The following TBKBP1 variants were observed in gnomAD, a reference collection of about 807,000 sequenced individuals.
TBKBP1 encodes the protein TBK1 binding protein 1.
TBKBP1 carries 47 observed loss-of-function variants against 69.9 expected under a neutral mutation model. That is an observed-to-expected ratio of 0.67 (90% CI 0.53 to 0.86). The LOEUF is 0.86. Ranked by LOEUF, TBKBP1 falls within the 40% of genes least tolerant of loss-of-function variation. The pLI is 0.00. For synonymous variants in TBKBP1, 418 were observed against 390.3 expected (o/e 1.07, Z -0.84); for missense variants, 831 against 858.6 (o/e 0.97, Z 0.40).
At position 47,709,163 on chromosome 17, in the gene TBKBP1, C is replaced by T; in HGVS notation, c.1430C>T (p.Pro477Leu). 6.9e-7 allele frequency: 1 copy of T among 1,439,262 alleles called. No homozygotes were observed. Among genetic ancestry groups the T allele is most frequent in the Non-Finnish European group, 9.1e-7 (1 of 1,104,544 alleles). 89.2% of individuals were successfully genotyped at this position (1,439,262 alleles called of 1,614,324 possible). Reference protein sequence around the residue: ...EGAAYAGASPPWLQAEAATLP... With the variant: ...EGAAYAGASPLWLQAEAATLP... ...GCGGCCTACGCGGGCGCCTCCCCGC[C>T]CTGGCTGCAGGCCGAAGCGGCCACT... Residue 477 changes from proline (P) to leucine (L), a missense_variant, in exon 9 of 10, where the codon CCC becomes CTC. Pro to Leu is a moderately conservative substitution (Grantham distance 98, BLOSUM62 -3). Coordinates refer to ENST00000578982, the MANE Select transcript of TBKBP1 (RefSeq NM_001394755.1).
intron 9 of TBKBP1, 49 bp from the exon 10 acceptor site, chr17:47,710,449 C>T: frequency 6.3e-7 from 1 of 1,580,218 alleles, no homozygotes; most frequent in Non-Finnish European, 8.7e-7. Flanking sequence ...GATGTGGGGA[C>T]CATGGGTGGG....
intron 7 of TBKBP1, among the ~76,000 whole-genome samples, chr17:47,700,855 G>A (rs967231699): frequency 6.6e-6 from 1 of 152,120 alleles, no homozygotes; most frequent in African/African-American, 2.4e-5. Flanking sequence ...AGCAAGGGAG[G>A]GGTGAGCAGC....
chr17:47,709,266 C>A lies in TBKBP1; in HGVS notation c.1533C>A (p.Gly511=), dbSNP rs1204595484. ...TCAGCCCGCGGCGCGCCTTCGAGGG[C>A]ATCCGGCTGCGCTTCGAGAAGCAGC... ...RPLSPRRAFE[G]IRLRFEKQPS... is the part of the protein sequence containing the mutation. The change falls in exon 9 of 10, where the codon GGC becomes GGA. Residue 511 remains glycine (G), a synonymous_variant. Coordinates refer to ENST00000578982, the MANE Select transcript of TBKBP1 (RefSeq NM_001394755.1). 1 of 1,523,236 alleles carries A rather than the reference C, an allele frequency of 6.6e-7. No homozygotes were observed. Among genetic ancestry groups the A allele is most frequent in the South Asian group, 1.2e-5 (1 of 82,222 alleles). 94.4% of individuals were successfully genotyped at this position (1,523,236 alleles called of 1,614,324 possible).
rs1233765103 is a variant in TBKBP1, at chr17:47,709,499, A to AT, written c.1719+49dup. 6 of 1,450,828 alleles carry AT rather than the reference A, an allele frequency of 4.1e-6. No homozygotes were observed. The South Asian group carries it at 5.5e-5, about 13-fold the overall frequency. 89.9% of individuals were successfully genotyped at this position (1,450,828 alleles called of 1,614,324 possible). On this transcript the variant is annotated intron_variant, in intron 9 of 9. Coordinates refer to ENST00000578982, the MANE Select transcript of TBKBP1 (RefSeq NM_001394755.1). ...CGCCCACCCCGGACCGGGCCTTGAGATTGAGACCCCAGCGCCTCACCCTCC... is the reference window on the plus strand; with the variant it reads ...CGCCCACCCCGGACCGGGCCTTGAGATTTGAGACCCCAGCGCCTCACCCTCC...
Position 47,697,098 on chromosome 17 carries a change from A to G in TBKBP1, c.358A>G (p.Asn120Asp). The stretch of plus-strand genomic sequence containing the variant: ...TCTGGGCCTCATCCAGTTACAGAAG[A>G]ACAAGGAGCAGGAAGAACAGCTTGG... Reference protein sequence around the residue: ...LNQFQHELQKNKEQEEQLGEM... With the variant: ...LNQFQHELQKDKEQEEQLGEM... The change falls in exon 4 of 10, where the codon AAC becomes GAC. Residue 120 changes from asparagine to aspartate, a missense_variant. Coordinates refer to ENST00000578982, the MANE Select transcript of TBKBP1 (RefSeq NM_001394755.1). 6.2e-7 allele frequency: 1 copy of G among 1,611,502 alleles called. No homozygotes were observed. Among genetic ancestry groups the G allele is most frequent in the Non-Finnish European group, 8.5e-7 (1 of 1,178,842 alleles).
At chr17:47,696,451 ACTTGAGGGTCTCCCATGAGAGACGTGG>A (rs2031246776) in intron 2 of TBKBP1, 114 bp downstream of exon 2, 3 of 1,272,060 alleles carry the variant, frequency 2.4e-6, no homozygotes, top group African/African-American at 1.5e-5. Context: ...ACTCTTGGGA[ACTTGAGGGTCTCCCATGAGAGACGTGG>A]CTGTTCCGGA....
At chr17:47,699,224 CTT>C in intron 5 of TBKBP1, 94 bp from the exon 6 acceptor site, 4 of 1,331,934 alleles carry the variant, frequency 3.0e-6, no homozygotes, top group Non-Finnish European at 3.9e-6. Context: ...TGGCTTCTCT[CTT>C]GGAGTCCCCA....
chr17:47,708,975 T>G lies in TBKBP1; in HGVS notation c.1242T>G (p.Arg414=), dbSNP rs1415058992. 1 of 1,126,142 alleles carries G rather than the reference T, an allele frequency of 8.9e-7. No homozygotes were observed. The allele number at this position is 1,126,142 out of a possible 1,614,324, so 69.8% of individuals were successfully genotyped here. A position where few individuals can be genotyped will look rare whatever the true frequency, so the allele number is the denominator to read the frequency against. Residue 414 remains arginine (R), a synonymous_variant, in exon 9 of 10, where the codon CGT becomes CGG. Coordinates refer to ENST00000578982, the MANE Select transcript of TBKBP1 (RefSeq NM_001394755.1). The surrounding 1 kb of genome is among the most constrained non-coding windows in gnomAD (Gnocchi z 4.4). ...PSCQSPSPQR[R]SPVPPSCPAP... ...GCCAGTCCCCCAGCCCGCAGCGCCG[T>G]TCCCCGGTGCCCCCCAGCTGCCCGG...
Position 47,708,293 on chromosome 17 carries a change from C to A in TBKBP1, c.873-101C>A. ...GGAGGGCCCTGCGGGTGGGAGGGAG[C>A]ATGGTGGGGCCAGATGCTGGGGTAG... On this transcript the variant is annotated intron_variant, in intron 7 of 9. Transcript: ENST00000578982. The surrounding 1 kb of genome is among the most constrained non-coding windows in gnomAD (Gnocchi z 4.4). 1 of 1,244,884 alleles carries A rather than the reference C, an allele frequency of 8.0e-7. No homozygotes were observed. The highest frequency in any genetic ancestry group is 1.4e-5 in the South Asian group (1 of 74,002). The allele number at this position is 1,244,884 out of a possible 1,614,324, so 77.1% of individuals were successfully genotyped here.
intron 7 of TBKBP1, among the ~76,000 whole-genome samples, chr17:47,704,373 C>CT (rs1326646714): frequency 6.6e-6 from 1 of 152,248 alleles, no homozygotes; most frequent in African/African-American, 2.4e-5. Flanking sequence ...TCCTCCCCGC[C>CT]GGCCCGCAAC....
At chr17:47,700,461 GC>G (rs2031458193) in intron 7 of TBKBP1, among the ~76,000 whole-genome samples, 1 of 151,788 alleles carries the variant, frequency 6.6e-6, no homozygotes, top group Admixed American at 6.6e-5. Context: ...AGATGCCAGG[GC>G]TAAGTGACAC....
chr17:47,695,044 G>C (rs995039516), intron 1 of TBKBP1, among the ~76,000 whole-genome samples: 2 of 152,086 alleles, frequency 1.3e-5, no homozygotes. Context: ...CACACACCTC[G>C]GACAGTCCCC....
intron 9 of TBKBP1, among the ~76,000 whole-genome samples, chr17:47,709,861 G>A (rs947586347): frequency 6.6e-6 from 1 of 152,252 alleles, no homozygotes; most frequent in African/African-American, 2.4e-5. Flanking sequence ...GAAGCAGGCA[G>A]TGAGCCTAAA....
At chr17:47,705,463 C>T (rs1371734305) in intron 7 of TBKBP1, among the ~76,000 whole-genome samples, 1 of 152,200 alleles carries the variant, frequency 6.6e-6, no homozygotes, top group African/African-American at 2.4e-5. Flanking sequence ...CTCTGGGTGC[C>T]TCCCAGGTTT....
chr17:47,708,583 T>C lies in TBKBP1; in HGVS notation c.991+71T>C, dbSNP rs1332002035. On this transcript the variant is annotated intron_variant, in intron 8 of 9. Coordinates refer to ENST00000578982, the MANE Select transcript of TBKBP1 (RefSeq NM_001394755.1). This position sits in a 1 kb window ranked among gnomAD's most constrained non-coding sequence, Gnocchi z 4.4. ...GGAGCGGGTAGCCATGGCAACCATCTTGGTCATGGGGACCACCCTTTATTT... is the reference window on the plus strand; with the variant it reads ...GGAGCGGGTAGCCATGGCAACCATCCTGGTCATGGGGACCACCCTTTATTT... The C allele has an allele frequency of 1.9e-6, 3 of 1,556,080 alleles. No homozygotes were observed. In the African/African-American group the frequency reaches 4.1e-5, roughly 21 times the overall value.
Position 47,697,683 on chromosome 17 carries a change from C to T in TBKBP1, c.453+490C>T, listed in dbSNP as rs79796913. ...CGGTGAGCAGGTCAAAATCAAGAGA[C>T]AGGCCAGGTATGGTGGCTCACGCCT... is the stretch of plus-strand genomic sequence containing the variant. On this transcript the variant is annotated intron_variant, in intron 4 of 9. Transcript: ENST00000578982. Among the ~76,000 whole-genome samples, 273 of 152,162 alleles carry T rather than the reference C, an allele frequency of 1.8e-3. 2 individuals carry two copies. Among genetic ancestry groups the T allele is most frequent in the African/African-American group, 6.4e-3 (266 of 41,502 alleles).
In TBKBP1 at chr17:47,709,329, G is replaced by A. The variant is rs931043565; in HGVS notation, c.1596G>A (p.Pro532=). Residue 532 remains proline, a synonymous_variant, in exon 9 of 10, where the codon CCG becomes CCA. Coordinates refer to ENST00000578982, the MANE Select transcript of TBKBP1 (RefSeq NM_001394755.1). ...EEDEWAVPTS[P]PSPEVGTIRC... ...ACGAGTGGGCTGTGCCCACCAGCCC[G>A]CCCAGCCCGGAGGTGGGCACCATCC... 2.6e-6 allele frequency: 4 copies of A among 1,525,546 alleles called. No individual in the cohort carries two copies. The highest frequency in any genetic ancestry group is 1.2e-5 in the South Asian group (1 of 83,126). The allele number at this position is 1,525,546 out of a possible 1,614,324, so 94.5% of individuals were successfully genotyped here. A position where few individuals can be genotyped will look rare whatever the true frequency, so the allele number is the denominator to read the frequency against.
In TBKBP1 at chr17:47,697,704, C is replaced by T. The variant is rs573796489; in HGVS notation, c.453+511C>T. Among the ~76,000 whole-genome samples the T allele has an allele frequency of 3.3e-4, 50 of 152,160 alleles. No homozygotes were observed. In the East Asian group the frequency reaches 9.1e-3, roughly 28 times the overall value. ...GAGACAGGCCAGGTATGGTGGCTCA[C>T]GCCTATAATCTCAGCACTTTGGGAG... On this transcript the variant is annotated intron_variant, in intron 4 of 9. Coordinates refer to ENST00000578982, the MANE Select transcript of TBKBP1 (RefSeq NM_001394755.1).
intron 5 of TBKBP1, 62 bp downstream of exon 5, chr17:47,698,837 A>G: frequency 7.2e-7 from 1 of 1,389,148 alleles, no homozygotes; most frequent in East Asian, 2.5e-5. Flanking sequence ...ACATTCCTAG[A>G]CACCTCGCAC....
Sources: allele counts gnomAD v4.1 joint callset (sites outside exome capture counted in the v4.1 genomes callset), GRCh38; gene constraint gnomAD v4.1.1; non-coding constraint Gnocchi (gnomAD v3.1); transcripts MANE v1.5; gene names NCBI Gene and HGNC (gene_info 2026-07-23, HGNC 2026-07-21).